The following CFAP221 variants were observed in gnomAD, a reference collection of about 807,000 sequenced individuals.
CFAP221 encodes the protein cilia and flagella associated protein 221, also known as cilia- and flagella-associated protein 221.
CFAP221 carries 97 observed loss-of-function variants against 113.1 expected under a neutral mutation model. The ratio of observed to expected loss-of-function variants is 0.86; its 90% CI spans 0.73 to 1.02. The LOEUF (loss-of-function observed/expected upper bound fraction) is 1.02. Among genes scored for constraint, CFAP221 ranks in the 50% least tolerant of loss-of-function variants. The pLI is 0.00. For synonymous variants in CFAP221, 331 were observed against 354.4 expected (o/e 0.93, Z 0.74); for missense variants, 1,025 against 1,013.4 (o/e 1.01, Z -0.16).
At chr2:119,552,118 A>G (rs948461920) in intron 3 of CFAP221, among the ~76,000 whole-genome samples, 6 of 150,588 alleles carry the variant, frequency 4.0e-5, no homozygotes, top group African/African-American at 1.2e-4. Flanking sequence ...AATTAACAAC[A>G]TAACACTTTT....
chr2:119,655,269 G>A (rs1224839876), intron 23 of CFAP221, among the ~76,000 whole-genome samples: 4 of 152,106 alleles, frequency 2.6e-5, no homozygotes, highest in Admixed American at 1.3e-4. Context: ...AATGTTCAAG[G>A]AACTGTGAGA....
At chr2:119,563,456 T>C (rs1490100937) in intron 6 of CFAP221, among the ~76,000 whole-genome samples, 1 of 152,168 alleles carries the variant, frequency 6.6e-6, no homozygotes, top group Non-Finnish European at 1.5e-5. Context: ...TGTTAAAATA[T>C]TTAAATACTT....
At chr2:119,639,893 T>C in intron 21 of CFAP221, 21 bp downstream of exon 21, 1 of 1,597,896 alleles carries the variant, frequency 6.3e-7, no homozygotes, top group Non-Finnish European at 8.6e-7. Flanking sequence ...CTCATCTGTT[T>C]GCTCACGAGT....
At chr2:119,604,133 A>C (rs963643044) in intron 8 of CFAP221, among the ~76,000 whole-genome samples, 5 of 152,216 alleles carry the variant, frequency 3.3e-5, no homozygotes, top group African/African-American at 2.4e-5. Context: ...ATTTTTCAGC[A>C]TGTCATGTTT....
At chr2:119,594,330 G>A (rs1468922712) in intron 7 of CFAP221, among the ~76,000 whole-genome samples, 1 of 151,954 alleles carries the variant, frequency 6.6e-6, no homozygotes, top group Non-Finnish European at 1.5e-5. Context: ...CTGCCTCCCA[G>A]GTTCAAGCGA....
At chr2:119,617,279 T>C (rs1411957923) in intron 14 of CFAP221, among the ~76,000 whole-genome samples, 1 of 152,164 alleles carries the variant, frequency 6.6e-6, no homozygotes, top group African/African-American at 2.4e-5. Flanking sequence ...CTCACCTATT[T>C]ACCAGCCTCC....
Position 119,608,368 on chromosome 2 carries a change from T to G in CFAP221, c.1134-134T>G, listed in dbSNP as rs555615006. The G allele has an allele frequency of 5.4e-6, 3 of 558,556 alleles. No homozygotes were observed. The East Asian group carries it at 8.3e-5, about 15-fold the overall frequency. The allele number at this position is 558,556 out of a possible 1,614,324, so 34.6% of individuals were successfully genotyped here. A position where few individuals can be genotyped will look rare whatever the true frequency, so the allele number is the denominator to read the frequency against. On this transcript the variant is annotated intron_variant, in intron 11 of 23. Coordinates refer to ENST00000413369, the MANE Select transcript of CFAP221 (RefSeq NM_001271049.2). The stretch of plus-strand genomic sequence containing the variant: ...TGTTGCTGAAGCCTCTATAACTAAC[T>G]TCTCTATCCCATGTGTCTCCTCCAG...
At chr2:119,647,078 C>G (rs1012937967) in intron 22 of CFAP221, 28 bp downstream of exon 22, 1 of 1,573,208 alleles carries the variant, frequency 6.4e-7, no homozygotes, top group African/African-American at 1.4e-5. Context: ...AATCTTTGGC[C>G]TCTAATGTGG....
In CFAP221 at chr2:119,630,762, G is replaced by T. The variant is rs759097076; in HGVS notation, c.1840-5G>T. ...AACTAACGTGCTGTCCTTGCTCCTTGTTAGGATGAAGTCACCACCATCACA... is the reference window on the plus strand; with the variant it reads ...AACTAACGTGCTGTCCTTGCTCCTTTTTAGGATGAAGTCACCACCATCACA... On this transcript the variant is annotated splice_region_variant and splice_polypyrimidine_tract_variant and intron_variant, in intron 18 of 23. Coordinates refer to ENST00000413369, the MANE Select transcript of CFAP221 (RefSeq NM_001271049.2). 6.2e-7 allele frequency: 1 copy of T among 1,609,540 alleles called. No individual in the cohort carries two copies. The highest frequency in any genetic ancestry group is 1.1e-5 in the South Asian group (1 of 90,902).
intron 3 of CFAP221, among the ~76,000 whole-genome samples, chr2:119,554,627 T>C (rs1206459848): frequency 6.6e-6 from 1 of 152,180 alleles, no homozygotes; most frequent in East Asian, 1.9e-4. Context: ...CCTGAAGATC[T>C]TGCATCTCAA....
At chr2:119,568,981 G>C (rs1681846027) in intron 6 of CFAP221, among the ~76,000 whole-genome samples, 1 of 152,068 alleles carries the variant, frequency 6.6e-6, no homozygotes. Flanking sequence ...ACAGAATTCT[G>C]AGTCGGTGGT....
At chr2:119,587,077 A>G (rs1031946835) in intron 6 of CFAP221, 42 bp from the exon 7 acceptor site, 7 of 1,399,618 alleles carry the variant, frequency 5.0e-6, no homozygotes, top group Non-Finnish European at 6.7e-6. Flanking sequence ...CCAGTTATAA[A>G]GAAAAATAAT....
chr2:119,566,845 T>C (rs531591588), intron 6 of CFAP221, among the ~76,000 whole-genome samples: 17 of 152,294 alleles, frequency 1.1e-4, no homozygotes, highest in African/African-American at 4.1e-4. Flanking sequence ...GTTTTTTTTT[T>C]CCTTCTAAGT....
At chr2:119,574,874 A>G (rs1682329037) in intron 6 of CFAP221, among the ~76,000 whole-genome samples, 1 of 152,192 alleles carries the variant, frequency 6.6e-6, no homozygotes, top group African/African-American at 2.4e-5. Flanking sequence ...TTCTCACCCC[A>G]GATTCTTATA....
intron 23 of CFAP221, among the ~76,000 whole-genome samples, chr2:119,652,981 G>A (rs1688213673): frequency 6.7e-6 from 1 of 148,384 alleles, no homozygotes; most frequent in Non-Finnish European, 1.5e-5. Flanking sequence ...ATTTATATAT[G>A]TACTTATATT....
intron 6 of CFAP221, among the ~76,000 whole-genome samples, chr2:119,567,080 C>T (rs1681701411): frequency 6.6e-6 from 1 of 152,162 alleles, no homozygotes; most frequent in African/African-American, 2.4e-5. Flanking sequence ...TATCAACAAC[C>T]CCCACCCAAG....
chr2:119,604,415 A>G (rs1409016085), intron 8 of CFAP221, among the ~76,000 whole-genome samples: 1 of 152,100 alleles, frequency 6.6e-6, no homozygotes. Flanking sequence ...GCCTGGTGAC[A>G]GAGTGAGACT....
intron 6 of CFAP221, among the ~76,000 whole-genome samples, chr2:119,565,220 T>A (rs1193495519): frequency 6.6e-6 from 1 of 152,204 alleles, no homozygotes; most frequent in African/African-American, 2.4e-5. Flanking sequence ...TTAAATGGTC[T>A]GTGCAGGGAC....
Position 119,608,571 on chromosome 2 carries a change from A to T in CFAP221, c.1203A>T (p.Lys401Asn), listed in dbSNP as rs1213593424. The change falls in exon 12 of 24, where the codon AAA becomes AAT. Residue 401 changes from lysine to asparagine, a missense_variant. Coordinates refer to ENST00000413369, the MANE Select transcript of CFAP221 (RefSeq NM_001271049.2). ...LKKELTEEWQ[K>N]ACAKYKLDRG... ...AAGAGCTTACTGAAGAGTGGCAAAA[A>T]GCATGTGCCAAATATAAGGTCAGAG... 6.2e-7 allele frequency: 1 copy of T among 1,612,882 alleles called. No individual in the cohort carries two copies. The highest frequency in any genetic ancestry group is 8.5e-7 in the Non-Finnish European group (1 of 1,179,018).
Sources: allele counts gnomAD v4.1 joint callset (sites outside exome capture counted in the v4.1 genomes callset), GRCh38; gene constraint gnomAD v4.1.1; transcripts MANE v1.5; gene names NCBI Gene and HGNC (gene_info 2026-07-23, HGNC 2026-07-21).